PCDHGA4: variants seen among roughly 807,000 people sequenced by gnomAD.
PCDHGA4 encodes protocadherin gamma-A4.
Under a neutral mutation model 54.6 loss-of-function variants are expected in PCDHGA4, and 38 were observed. The observed-to-expected ratio is 0.70, with a 90% confidence interval of 0.54 to 0.91. PCDHGA4 has a LOEUF of 0.91. Among genes scored for constraint, PCDHGA4 ranks in the 40% least tolerant of loss-of-function variants. The probability of loss-of-function intolerance (pLI) is 0.00; values close to 1 mark genes in which losing one functional copy is unlikely to be tolerated. For missense variants in PCDHGA4, 1,298 were observed against 1,220.9 expected, an observed-to-expected ratio of 1.06 and a Z score of -0.94; for synonymous variants, 511 against 512.9, an observed-to-expected ratio of 1.00 and a Z score of 0.05.
At chr5:141,360,838 G>A (rs776801696) in intron 1 of PCDHGA4, 2 of 1,614,002 alleles carry the variant, frequency 1.2e-6, no homozygotes, top group Admixed American at 1.7e-5. Flanking sequence ...AGTCACGGAT[G>A]CCAACGATAA....
chr5:141,415,496 T>C, intron 1 of PCDHGA4: 1 of 1,614,070 alleles, frequency 6.2e-7, no homozygotes. Flanking sequence ...CACCTGATCT[T>C]CCCCCAGCCC....
In PCDHGA4 at chr5:141,459,848, C is replaced by T. The variant is rs573481876; in HGVS notation, c.2515-34959C>T. Among the ~76,000 whole-genome samples the T allele has an allele frequency of 1.1e-4, 16 of 152,244 alleles. No homozygotes were observed. In the South Asian group the frequency reaches 2.5e-3, roughly 24 times the overall value. ...TTTCATGTGTTGTCTATTTGTATATCTTCTTGAAGCATTCGTTCATCTTTA... is the reference window on the plus strand; with the variant it reads ...TTTCATGTGTTGTCTATTTGTATATTTTCTTGAAGCATTCGTTCATCTTTA... On this transcript the variant is annotated intron_variant, in intron 1 of 3. Transcript: ENST00000571252.
intron 1 of PCDHGA4, 134 bp from the exon 2 acceptor site, chr5:141,494,673 C>A: frequency 6.5e-7 from 1 of 1,542,992 alleles, no homozygotes; most frequent in South Asian, 1.2e-5. Flanking sequence ...GATGAGTCCA[C>A]CCCTGCCCCC....
chr5:141,418,819 A>T (rs1285247926), intron 1 of PCDHGA4: 1 of 1,613,868 alleles, frequency 6.2e-7, no homozygotes, highest in African/African-American at 1.3e-5. Context: ...TAAACATAGA[A>T]GCAAAAGACC....
chr5:141,490,033 A>C lies in PCDHGA4; in HGVS notation c.2515-4774A>C, dbSNP rs200482631. The C allele has an allele frequency of 4.0e-5, 65 of 1,614,116 alleles. No homozygotes were observed. Among genetic ancestry groups the C allele is most frequent in the Non-Finnish European group, 4.1e-5 (48 of 1,180,040 alleles). On this transcript the variant is annotated intron_variant, in intron 1 of 3. Transcript: ENST00000571252. This position sits in a 1 kb window ranked among gnomAD's most constrained non-coding sequence, Gnocchi z 5.4. ...CATTGGTACTCTGCTGCTCCGCCTC[A>C]ATGCCACTGATCCAGACGAGGGCAC...
intron 1 of PCDHGA4, chr5:141,375,948 A>G (rs773530247): frequency 2.5e-6 from 4 of 1,613,438 alleles, no homozygotes; most frequent in Non-Finnish European, 2.5e-6. Context: ...GTGGGCCTGC[A>G]CACGGGCGAG....
intron 1 of PCDHGA4, chr5:141,371,062 G>T: frequency 6.2e-7 from 1 of 1,613,974 alleles, no homozygotes; most frequent in Non-Finnish European, 8.5e-7. Context: ...CCCTCCAGAA[G>T]CTGTACCACC....
chr5:141,429,169 T>TACACACACACACACAC (rs10667977), intron 1 of PCDHGA4: 2 of 145,394 alleles, frequency 1.4e-5, no homozygotes, highest in East Asian at 2.0e-4. Flanking sequence ...ACATTGTTTA[T>TACACACACACACACAC]ACACACACAC....
intron 2 of PCDHGA4, among the ~76,000 whole-genome samples, chr5:141,502,170 G>A (rs1165631931): frequency 6.6e-6 from 1 of 152,128 alleles, no homozygotes; most frequent in Admixed American, 6.5e-5. Context: ...TTCAGTTGAG[G>A]AATTTAACAT....
chr5:141,364,215 A>G, intron 1 of PCDHGA4: 1 of 1,300,530 alleles, frequency 7.7e-7, no homozygotes, highest in South Asian at 1.7e-5. Context: ...AGCTCCTACG[A>G]AAAGCCAACG....
chr5:141,423,225 C>G (rs763729316), intron 1 of PCDHGA4: 3 of 1,613,686 alleles, frequency 1.9e-6, no homozygotes, highest in Admixed American at 1.7e-5. Context: ...TGGCTGTGGC[C>G]GACAGCATCC....
rs1327490895 is a variant in PCDHGA4, at chr5:141,487,672, G to A, written c.2515-7135G>A. The stretch of plus-strand genomic sequence containing the variant: ...AGGGTTATTCTGATCCAGGCATATG[G>A]CTAGGCCATGTCCTAGAGAGTACTG... On this transcript the variant is annotated intron_variant, in intron 1 of 3. Coordinates refer to ENST00000571252, the MANE Select transcript of PCDHGA4 (RefSeq NM_018917.4). This position sits in a 1 kb window ranked among gnomAD's most constrained non-coding sequence, Gnocchi z 5.0. 6.2e-7 allele frequency: 1 copy of A among 1,611,484 alleles called. No individual in the cohort carries two copies. Among genetic ancestry groups the A allele is most frequent in the Non-Finnish European group, 8.5e-7 (1 of 1,178,612 alleles).
At position 141,463,977 on chromosome 5, in the gene PCDHGA4, T is replaced by C. The variant is rs948698340; in HGVS notation, c.2515-30830T>C. On this transcript the variant is annotated intron_variant, in intron 1 of 3. Coordinates refer to ENST00000571252, the MANE Select transcript of PCDHGA4 (RefSeq NM_018917.4). ...TTTAAAATAGCTTCATAAAACTCCA[T>C]TGTAAAAACCAGGTGCAGTGGCTCA... Among the ~76,000 whole-genome samples the C allele has an allele frequency of 2.6e-5, 4 of 152,258 alleles. 1 individual carries two copies. The highest frequency in any genetic ancestry group is 4.4e-5 in the Non-Finnish European group (3 of 68,004).
At chr5:141,467,565 C>A (rs2154569547) in intron 1 of PCDHGA4, among the ~76,000 whole-genome samples, 1 of 152,302 alleles carries the variant, frequency 6.6e-6, no homozygotes, top group East Asian at 1.9e-4. Context: ...TCCCAAATGG[C>A]TATCCAGTTG....
At chr5:141,465,337 G>GCC (rs2099101328) in intron 1 of PCDHGA4, among the ~76,000 whole-genome samples, 6 of 151,962 alleles carry the variant, frequency 3.9e-5, no homozygotes, top group Admixed American at 2.6e-4. Flanking sequence ...TTTTTATATT[G>GCC]GTTACTGAAG....
At chr5:141,364,914 T>A (rs745343647) in intron 1 of PCDHGA4, 1 of 1,613,936 alleles carries the variant, frequency 6.2e-7, no homozygotes, top group Non-Finnish European at 8.5e-7. Flanking sequence ...CCGGAGCTGG[T>A]GTTGGAACAG....
chr5:141,405,494 A>G, intron 1 of PCDHGA4: 1 of 840,532 alleles, frequency 1.2e-6, no homozygotes, highest in Non-Finnish European at 1.8e-6. Context: ...ATCTCGGCTC[A>G]TTGCAACCTC....
At chr5:141,385,129 G>T in intron 1 of PCDHGA4, 1 of 1,614,200 alleles carries the variant, frequency 6.2e-7, no homozygotes, top group South Asian at 1.1e-5. Context: ...TGTGGGCATG[G>T]ACGGGGTGCA....
Position 141,478,516 on chromosome 5 carries a change from G to A in PCDHGA4, c.2515-16291G>A, listed in dbSNP as rs769702987. The A allele has an allele frequency of 4.3e-6, 7 of 1,610,992 alleles. No homozygotes were observed. In the African/African-American group the frequency reaches 8.0e-5, roughly 18 times the overall value. ...GTGATCCGGTGTTCTATAGGCAGGT[G>A]TTGGGTGCAGAGAGCGCCCCTCCCG... On this transcript the variant is annotated intron_variant, in intron 1 of 3. Transcript: ENST00000571252.
Sources: gnomAD v4.1 joint callset for allele counts (sites outside exome capture counted in the v4.1 genomes callset) on GRCh38, gnomAD v4.1.1 for gene constraint, Gnocchi (gnomAD v3.1) non-coding constraint, MANE v1.5 for transcripts, NCBI Gene and HGNC (gene_info 2026-07-23, HGNC 2026-07-21) for gene names.